The following PDIA5 variants were observed in gnomAD, a reference collection of about 807,000 sequenced individuals.
PDIA5 encodes protein disulfide-isomerase A5.
Under a neutral mutation model 77.6 loss-of-function variants are expected in PDIA5, and 58 were observed. That is an observed-to-expected ratio of 0.75 (90% CI 0.61 to 0.93). PDIA5 has a LOEUF of 0.93. PDIA5 is among the 40% of genes least tolerant of loss of function. The pLI is 0.00. For missense variants in PDIA5, 630 were observed against 647.7 expected, an observed-to-expected ratio of 0.97 and a Z score of 0.30; for synonymous variants, 250 against 252.1, an observed-to-expected ratio of 0.99 and a Z score of 0.08.
At chr3:123,074,185 C>T (rs116803507) in intron 1 of PDIA5, among the ~76,000 whole-genome samples, 17 of 152,190 alleles carry the variant, frequency 1.1e-4, no homozygotes, top group Admixed American at 3.9e-4. Flanking sequence ...CCTTGAGAAT[C>T]TTTTATGAGC....
At chr3:123,071,770 A>T (rs1383378033) in intron 1 of PDIA5, among the ~76,000 whole-genome samples, 3 of 152,096 alleles carry the variant, frequency 2.0e-5, no homozygotes, top group Non-Finnish European at 2.9e-5. Flanking sequence ...GCAGACTTGG[A>T]GCTCTGTGAC....
chr3:123,116,259 G>A lies in PDIA5; in HGVS notation c.570G>A (p.Pro190=), dbSNP rs73195688. 1.1e-4 allele frequency: 179 copies of A among 1,613,912 alleles called. No individual in the cohort carries two copies. The highest frequency in any genetic ancestry group is 4.9e-4 in the Middle Eastern group (3 of 6,062). The change falls in exon 8 of 17, where the codon CCG becomes CCA. Residue 190 remains proline, a synonymous_variant. Coordinates refer to ENST00000316218, the MANE Select transcript of PDIA5 (RefSeq NM_006810.4). Reference sequence around the variant, plus strand: ...GCAGCATGTGCAAGAGGATGATGCCGCATTTCCAGAAGGCTGCGACTCAGC... The same window carrying A: ...GCAGCATGTGCAAGAGGATGATGCCACATTTCCAGAAGGCTGCGACTCAGC... ...PWCSMCKRMM[P]HFQKAATQLR...
intron 10 of PDIA5, among the ~76,000 whole-genome samples, chr3:123,125,320 T>G (rs569487918): frequency 6.6e-6 from 1 of 152,356 alleles, no homozygotes; most frequent in East Asian, 1.9e-4. Context: ...GATTCTCATT[T>G]AATCCTCACA....
chr3:123,077,145 G>A (rs912209205), intron 1 of PDIA5, among the ~76,000 whole-genome samples: 5 of 152,160 alleles, frequency 3.3e-5, no homozygotes, highest in Non-Finnish European at 7.3e-5. Context: ...CCCAACTCTG[G>A]TGCTGGAGTC....
chr3:123,070,599 C>T (rs1194431967), intron 1 of PDIA5, among the ~76,000 whole-genome samples: 1 of 152,114 alleles, frequency 6.6e-6, no homozygotes, highest in Admixed American at 6.5e-5. Context: ...GTGGCGGTGC[C>T]CTCCCTGCCA....
rs111408729 is a variant in PDIA5, at chr3:123,133,267, C to T, written c.910+2651C>T. On this transcript the variant is annotated intron_variant, in intron 11 of 16. Transcript: ENST00000316218. ...CAAATGTCAAGAGGCCAGAGACCAG[C>T]AGTGTCATCCTGCGTTTCCTAAGTG... Among the ~76,000 whole-genome samples, 157 of 152,330 alleles carry T rather than the reference C, an allele frequency of 1.0e-3. 1 individual carries two copies. Among genetic ancestry groups the T allele is most frequent in the African/African-American group, 3.6e-3 (148 of 41,576 alleles).
At chr3:123,067,449 T>C (rs575672003) in intron 1 of PDIA5, 164 of 395,308 alleles carry the variant, frequency 4.1e-4, no homozygotes, top group African/African-American at 3.2e-3. Flanking sequence ...CGCCGGGAGA[T>C]CCCTGGCAGG....
chr3:123,161,825 A>C (rs943002388), intron 16 of PDIA5, 55 bp from the exon 17 acceptor site: 20 of 1,155,982 alleles, frequency 1.7e-5, no homozygotes, highest in Non-Finnish European at 2.5e-5. Context: ...GAGAGTGCAC[A>C]GCCAGCTCAG....
chr3:123,092,504 T>C, intron 3 of PDIA5, 62 bp downstream of exon 3: 1 of 1,177,122 alleles, frequency 8.5e-7, no homozygotes, highest in Non-Finnish European at 1.3e-6. Context: ...GGGCTTTGAT[T>C]GGTGGGGACA....
chr3:123,102,780 G>A lies in PDIA5; in HGVS notation c.371G>A (p.Arg124Gln), dbSNP rs757048131. 6.0e-5 allele frequency: 97 copies of A among 1,609,464 alleles called. No homozygotes were observed. Among genetic ancestry groups the A allele is most frequent in the Non-Finnish European group, 8.0e-5 (94 of 1,175,804 alleles). Residue 124 changes from arginine to glutamine, a missense_variant, in exon 5 of 17, where the codon CGA becomes CAA. Physicochemically the swap from Arg to Gln is conservative, Grantham distance 43. Coordinates refer to ENST00000316218, the MANE Select transcript of PDIA5 (RefSeq NM_006810.4). ...QDGAFHTEYN[R>Q]AVTFKSIVAF... ...GGTGCATTTCATACTGAATATAACC[G>A]AGCTGTGACATTTAAGGTAAATTTA...
chr3:123,124,023 G>A, intron 8 of PDIA5, 43 bp from the exon 9 acceptor site: 1 of 1,295,242 alleles, frequency 7.7e-7, no homozygotes, highest in Non-Finnish European at 1.1e-6. Context: ...GAGGGTGTCT[G>A]TGGGGCACAG....
At chr3:123,089,825 T>C (rs899400524) in intron 2 of PDIA5, among the ~76,000 whole-genome samples, 2 of 152,222 alleles carry the variant, frequency 1.3e-5, no homozygotes, top group Non-Finnish European at 1.5e-5. Context: ...GGCTCTAAGC[T>C]TGGGTCACAG....
chr3:123,127,732 T>A (rs1935275079), intron 10 of PDIA5, among the ~76,000 whole-genome samples: 1 of 152,224 alleles, frequency 6.6e-6, no homozygotes, highest in African/African-American at 2.4e-5. Flanking sequence ...ATTTCTTTTC[T>A]TAATGCAGTT....
chr3:123,082,809 C>T (rs939003509), intron 1 of PDIA5, among the ~76,000 whole-genome samples: 1 of 152,158 alleles, frequency 6.6e-6, no homozygotes, highest in African/African-American at 2.4e-5. Context: ...TTGGTATTCT[C>T]CTCTCCACCT....
At chr3:123,161,575 T>C in intron 16 of PDIA5, 120 bp downstream of exon 16, 1 of 1,126,848 alleles carries the variant, frequency 8.9e-7, no homozygotes, top group East Asian at 2.4e-5. Context: ...GCTGGAACAC[T>C]GCACCGAGAG....
chr3:123,128,001 T>C (rs1935282985), intron 10 of PDIA5, among the ~76,000 whole-genome samples: 1 of 152,174 alleles, frequency 6.6e-6, no homozygotes, highest in Non-Finnish European at 1.5e-5. Context: ...TTCAGTGTTT[T>C]GGGTTCAGAC....
At chr3:123,153,800 CA>C (rs1488564352) in intron 14 of PDIA5, among the ~76,000 whole-genome samples, 1 of 152,236 alleles carries the variant, frequency 6.6e-6, no homozygotes, top group Admixed American at 6.5e-5. Context: ...TTTGGTTTCA[CA>C]AAACCCTTTG....
chr3:123,144,043 G>A (rs113193295), intron 11 of PDIA5, among the ~76,000 whole-genome samples: 10 of 152,282 alleles, frequency 6.6e-5, no homozygotes, highest in African/African-American at 2.4e-4. Flanking sequence ...GTACAGGCAG[G>A]AGTGAAATGG....
chr3:123,121,286 G>A (rs1017455309), intron 8 of PDIA5, among the ~76,000 whole-genome samples: 5 of 152,174 alleles, frequency 3.3e-5, no homozygotes, highest in South Asian at 4.1e-4. Context: ...AGAAGCTGCC[G>A]TGATGGTTCC....
Sources: allele counts gnomAD v4.1 joint callset (sites outside exome capture counted in the v4.1 genomes callset), GRCh38; gene constraint gnomAD v4.1.1; transcripts MANE v1.5; gene names NCBI Gene and HGNC (gene_info 2026-07-23, HGNC 2026-07-21).